The following CNTN5 variants were observed in gnomAD, a reference collection of about 807,000 sequenced individuals.
The protein encoded by CNTN5 is contactin-5.
CNTN5 carries 77 observed loss-of-function variants against 129.1 expected under a neutral mutation model. That is an observed-to-expected ratio of 0.60 (90% CI 0.50 to 0.72). The LOEUF is 0.72. Among genes scored for constraint, CNTN5 ranks in the 30% least tolerant of loss-of-function variants. The pLI, the probability that CNTN5 is intolerant of heterozygous loss-of-function variation, is 0.00. For synonymous variants in CNTN5, 509 were observed against 465.6 expected, an observed-to-expected ratio of 1.09 and a Z score of -1.20; for missense variants, 1,478 against 1,328.8, an observed-to-expected ratio of 1.11 and a Z score of -1.75.
intron 18 of CNTN5, among the ~76,000 whole-genome samples, chr11:100,281,679 AC>A (rs527789147): frequency 2.0e-3 from 304 of 152,182 alleles, no homozygotes; most frequent in Admixed American, 8.2e-3. Flanking sequence ...TAAACTTCAT[AC>A]CCCTATCTCT....
intron 1 of CNTN5, among the ~76,000 whole-genome samples, chr11:99,149,296 T>G (rs757828305): frequency 1.3e-4 from 19 of 151,542 alleles, no homozygotes; most frequent in Non-Finnish European, 2.5e-4. Context: ...GAAAAAGACT[T>G]CTGAAAAAAG....
intron 7 of CNTN5, among the ~76,000 whole-genome samples, chr11:99,937,396 G>C (rs1950338357): frequency 6.6e-6 from 1 of 152,212 alleles, no homozygotes; most frequent in Non-Finnish European, 1.5e-5. Flanking sequence ...GTTAGACATG[G>C]TGGATCATTC....
intron 16 of CNTN5, among the ~76,000 whole-genome samples, chr11:100,252,966 G>T (rs1949998592): frequency 6.6e-6 from 1 of 152,148 alleles, no homozygotes; most frequent in Non-Finnish European, 1.5e-5. Context: ...ACAGTCACAG[G>T]CCAGCTCAGA....
At chr11:100,144,133 T>G (rs1446698697) in intron 13 of CNTN5, among the ~76,000 whole-genome samples, 1 of 152,190 alleles carries the variant, frequency 6.6e-6, no homozygotes, top group Non-Finnish European at 1.5e-5. Context: ...AGTATCTGCT[T>G]CGATCCATGT....
intron 1 of CNTN5, among the ~76,000 whole-genome samples, chr11:99,093,835 C>G (rs1368552426): frequency 6.6e-6 from 1 of 151,852 alleles, no homozygotes; most frequent in South Asian, 2.1e-4. Context: ...TTATGAGGAA[C>G]CCCAGGCTCA....
rs150574416 is a variant in CNTN5 at position 99,274,065 on chromosome 11, A to C, written c.-209-51281A>C. Among the ~76,000 whole-genome samples, 60 of 151,898 alleles carry C rather than the reference A, an allele frequency of 4.0e-4. No individual in the cohort carries two copies. The East Asian group carries it at 9.7e-3, about 25-fold the overall frequency. ...TCTTAGTAACACTAACCATACTTCA[A>C]GTGCTCAGTAGCCACACGTAGCTAG... On this transcript the variant is annotated intron_variant, in intron 1 of 24. Transcript: ENST00000524871.
chr11:99,194,105 C>T (rs1308556296), intron 1 of CNTN5, among the ~76,000 whole-genome samples: 1 of 151,930 alleles, frequency 6.6e-6, no homozygotes, highest in East Asian at 1.9e-4. Context: ...ATGCTGAATA[C>T]TAGTCTATTT....
intron 1 of CNTN5, among the ~76,000 whole-genome samples, chr11:99,137,196 T>C (rs1056219804): frequency 2.0e-5 from 3 of 152,188 alleles, no homozygotes; most frequent in Non-Finnish European, 4.4e-5. Context: ...TTAAACTTCA[T>C]GCATACAGAA....
chr11:99,679,111 A>G (rs1953436759), intron 3 of CNTN5, among the ~76,000 whole-genome samples: 1 of 147,770 alleles, frequency 6.8e-6, no homozygotes, highest in South Asian at 2.1e-4. Context: ...TATAGGAAAT[A>G]TATATATGTA....
At chr11:99,428,424 C>T (rs1162230544) in intron 2 of CNTN5, among the ~76,000 whole-genome samples, 6 of 151,410 alleles carry the variant, frequency 4.0e-5, no homozygotes, top group Non-Finnish European at 7.4e-5. Context: ...AGCTGGGCTT[C>T]GTGGCATGTC....
intron 8 of CNTN5, 88 bp downstream of exon 8, chr11:99,957,097 G>A: frequency 6.2e-6 from 7 of 1,128,414 alleles, no homozygotes; most frequent in South Asian, 1.6e-5. Context: ...TTAAGACCTG[G>A]AACTTACAAA....
At chr11:99,681,614 T>C (rs1288198369) in intron 3 of CNTN5, among the ~76,000 whole-genome samples, 1 of 152,074 alleles carries the variant, frequency 6.6e-6, no homozygotes, top group Non-Finnish European at 1.5e-5. Context: ...AGTGTAAACA[T>C]GAATTTTATA....
intron 2 of CNTN5, among the ~76,000 whole-genome samples, chr11:99,474,182 T>C (rs1945282022): frequency 6.6e-6 from 1 of 151,498 alleles, no homozygotes; most frequent in African/African-American, 2.4e-5. Flanking sequence ...TAAAAAATAC[T>C]GTATTGTAAT....
chr11:100,211,135 C>T (rs917013532), intron 15 of CNTN5, among the ~76,000 whole-genome samples: 8 of 152,132 alleles, frequency 5.3e-5, no homozygotes, highest in Non-Finnish European at 1.2e-4. Context: ...GAGGTTTCAT[C>T]TATCATTATA....
chr11:99,183,606 C>T (rs1009875998), intron 1 of CNTN5, among the ~76,000 whole-genome samples: 9 of 152,096 alleles, frequency 5.9e-5, no homozygotes, highest in African/African-American at 1.9e-4. Flanking sequence ...AAATTGTCTT[C>T]TCTTAATGAC....
At chr11:99,993,150 C>T (rs1390196264) in intron 8 of CNTN5, among the ~76,000 whole-genome samples, 2 of 152,076 alleles carry the variant, frequency 1.3e-5, no homozygotes, top group Admixed American at 6.6e-5. Context: ...CTAAAACTTG[C>T]AACTGAAATA....
In CNTN5 at chr11:99,727,321, A is replaced by AAAAAAAAAAAAAAAAG. The variant is rs1319837016; in HGVS notation, c.56-92210_56-92209insAAGAAAAAAAAAAAAA. On this transcript the variant is annotated intron_variant, in intron 3 of 24. Coordinates refer to ENST00000524871, the MANE Select transcript of CNTN5 (RefSeq NM_014361.4). ...GAGCGAGACTCCGTCTCAAAAAAAAAAAAAAAAAAAAAATTCCAGGGCATT... is the reference window on the plus strand; with the variant it reads ...GAGCGAGACTCCGTCTCAAAAAAAAAAAAAAAAAAAAAAAAGAAAAAAAAAAAAATTCCAGGGCATT... 1.4e-3 allele frequency among the ~76,000 whole-genome samples: 179 copies of AAAAAAAAAAAAAAAAG among 123,458 alleles called. 6 individuals are homozygous for AAAAAAAAAAAAAAAAG. The highest frequency in any genetic ancestry group is 4.7e-3 in the African/African-American group (160 of 34,310). The allele number at this position is 123,458 out of a possible 152,430, so 81.0% of individuals were successfully genotyped here.
chr11:99,465,904 C>T lies in CNTN5; in HGVS notation c.-70-90241C>T, dbSNP rs555285314. ...TTTTTTTTTTTTTTTTCCTTTGAGA[C>T]GGAGTCTCGCTCTGTCGCCCAGGCT... On this transcript the variant is annotated intron_variant, in intron 2 of 24. Coordinates refer to ENST00000524871, the MANE Select transcript of CNTN5 (RefSeq NM_014361.4). Among the ~76,000 whole-genome samples the T allele has an allele frequency of 4.6e-3, 550 of 118,324 alleles. 1 individual carries two copies. Among genetic ancestry groups the T allele is most frequent in the Non-Finnish European group, 6.8e-3 (417 of 60,938 alleles). 77.6% of individuals were successfully genotyped at this position (118,324 alleles called of 152,430 possible). A position where few individuals can be genotyped will look rare whatever the true frequency, so the allele number is the denominator to read the frequency against.
At chr11:100,031,296 G>A (rs371702972) in intron 9 of CNTN5, among the ~76,000 whole-genome samples, 17 of 152,292 alleles carry the variant, frequency 1.1e-4, no homozygotes, top group South Asian at 8.3e-4. Flanking sequence ...ACAATGCCAG[G>A]TTGGACTGCC....
Sources: gnomAD v4.1 joint callset for allele counts (sites outside exome capture counted in the v4.1 genomes callset) on GRCh38, gnomAD v4.1.1 for gene constraint, MANE v1.5 for transcripts, NCBI Gene and HGNC (gene_info 2026-07-23, HGNC 2026-07-21) for gene names.